Variants in GLYATL3 observed in about 807,000 individuals in gnomAD.
GLYATL3 encodes the protein glycine N-acyltransferase-like protein 3.
In GLYATL3, 31 loss-of-function variants were observed where a neutral mutation model predicts 28.5. The observed-to-expected ratio is 1.09, with a 90% confidence interval of 0.82 to 1.47. The LOEUF (loss-of-function observed/expected upper bound fraction) is 1.47, where lower values mean the gene tolerates loss of function less well. Ranked by LOEUF, GLYATL3 falls within the 40% of genes most tolerant of loss-of-function variation. The pLI is 0.00. For synonymous variants in GLYATL3, 141 were observed against 140.2 expected (o/e 1.01, Z -0.04); for missense variants, 369 against 351.5 (o/e 1.05, Z -0.40).
chr6:49,519,407 G>A (rs1769276529), intron 4 of GLYATL3, among the ~76,000 whole-genome samples: 1 of 152,146 alleles, frequency 6.6e-6, no homozygotes, highest in Non-Finnish European at 1.5e-5. Flanking sequence ...AGTCAGCCTG[G>A]ACATTACCTT....
At chr6:49,520,789 G>A (rs558889938) in intron 4 of GLYATL3, among the ~76,000 whole-genome samples, 9 of 152,206 alleles carry the variant, frequency 5.9e-5, no homozygotes, top group Non-Finnish European at 8.8e-5. Context: ...ACCAAGGCAG[G>A]AGGATCACTT....
At position 49,511,973 on chromosome 6, in the gene GLYATL3, G is replaced by T. The variant is rs1331836571; in HGVS notation, c.-18G>T. ...CAAGTTTCTAATTAGGTGTGGAGTT[G>T]CAAGAGCTCTGGAAAAGATGTTGGT... On this transcript the variant is annotated 5_prime_UTR_variant, in exon 2 of 6. Transcript: ENST00000371197. 6 of 1,351,404 alleles carry T rather than the reference G, an allele frequency of 4.4e-6. No individual in the cohort carries two copies. Among genetic ancestry groups the T allele is most frequent in the African/African-American group, 2.9e-5 (2 of 69,036 alleles). The allele number at this position is 1,351,404 out of a possible 1,614,324, so 83.7% of individuals were successfully genotyped here. A position where few individuals can be genotyped will look rare whatever the true frequency, so the allele number is the denominator to read the frequency against.
In GLYATL3 at chr6:49,517,491, G is replaced by A. The variant is rs1282492880; in HGVS notation, c.248G>A (p.Arg83Lys). The A allele has an allele frequency of 6.4e-7, 1 of 1,550,546 alleles. No homozygotes were observed. The change falls in exon 4 of 6, where the codon AGG becomes AAG. Residue 83 changes from arginine (R) to lysine (K), a missense_variant. Coordinates refer to ENST00000371197, the MANE Select transcript of GLYATL3 (RefSeq NM_001010904.2). ...TATGCTGTGTTCTACAAGGATGTCA[G>A]GGCTTATCGACAGCTATTGGAAGAA... ...NAYAVFYKDV[R>K]AYRQLLEECD...
At position 49,500,020 on chromosome 6, in the gene GLYATL3, G is replaced by C. The variant is rs1426967714; in HGVS notation, c.-51G>C. The C allele has an allele frequency of 6.6e-6, 1 of 151,942 alleles. No individual in the cohort carries two copies. Among genetic ancestry groups the C allele is most frequent in the Non-Finnish European group, 1.5e-5 (1 of 67,996 alleles). The allele number at this position is 151,942 out of a possible 1,614,324, so 9.4% of individuals were successfully genotyped here. A position where few individuals can be genotyped will look rare whatever the true frequency, so the allele number is the denominator to read the frequency against. ...ACTGATACACAGCTGAAAACCCTCA[G>C]TTCTGGACTGAACTCCCAGCAGGTA... On this transcript the variant is annotated 5_prime_UTR_variant, in exon 1 of 6. Coordinates refer to ENST00000371197, the MANE Select transcript of GLYATL3 (RefSeq NM_001010904.2).
In GLYATL3 at chr6:49,527,353, C is replaced by T. The variant is rs1769440615; in HGVS notation, c.*439C>T. Among the ~76,000 whole-genome samples, 1 of 152,196 alleles carries T rather than the reference C, an allele frequency of 6.6e-6. No individual in the cohort carries two copies. The highest frequency in any genetic ancestry group is 2.4e-5 in the African/African-American group (1 of 41,442). On this transcript the variant is annotated 3_prime_UTR_variant, in exon 6 of 6. Coordinates refer to ENST00000371197, the MANE Select transcript of GLYATL3 (RefSeq NM_001010904.2). ...TATTCCCCTGTCCCCACTGCTATGT[C>T]TCATCAACCTCTGTTCCTAACACCT...
intron 5 of GLYATL3, 95 bp from the exon 6 acceptor site, chr6:49,526,393 A>G (rs887288603): frequency 9.4e-6 from 10 of 1,067,526 alleles, no homozygotes; most frequent in Non-Finnish European, 1.2e-5. Context: ...AGCCTGGGCG[A>G]CAGAGCAAGA....
chr6:49,526,632 T>C lies in GLYATL3; in HGVS notation c.585T>C (p.Asp195=). The C allele has an allele frequency of 3.2e-6, 5 of 1,551,956 alleles. No individual in the cohort carries two copies. Among genetic ancestry groups the C allele is most frequent in the Non-Finnish European group, 4.4e-6 (5 of 1,147,048 alleles). The change falls in exon 6 of 6, where the codon GAT becomes GAC. Residue 195 remains aspartate (D), a synonymous_variant. Transcript: ENST00000371197. ...ISCFPSVCVR[D]EKGNPVSWSI... ...GCTTCCCTAGTGTGTGTGTCCGGGA[T>C]GAGAAGGGAAACCCGGTCTCCTGGT...
chr6:49,507,444 A>G (rs1414168623), intron 1 of GLYATL3, among the ~76,000 whole-genome samples: 1 of 152,192 alleles, frequency 6.6e-6, no homozygotes, highest in African/African-American at 2.4e-5. Context: ...TAGTGGAATC[A>G]GCCTTGATTC....
At chr6:49,526,025 G>T (rs953821194) in intron 5 of GLYATL3, among the ~76,000 whole-genome samples, 1 of 152,148 alleles carries the variant, frequency 6.6e-6, no homozygotes, top group Non-Finnish European at 1.5e-5. Context: ...AATGAAACCC[G>T]GAAAGGTGTT....
intron 5 of GLYATL3, among the ~76,000 whole-genome samples, chr6:49,524,655 T>G (rs1487195052): frequency 6.6e-6 from 1 of 152,162 alleles, no homozygotes; most frequent in Non-Finnish European, 1.5e-5. Flanking sequence ...TGGTACTATT[T>G]AACCTAGAAA....
intron 2 of GLYATL3, among the ~76,000 whole-genome samples, chr6:49,513,707 T>C (rs1195949768): frequency 6.6e-6 from 1 of 152,162 alleles, no homozygotes; most frequent in Non-Finnish European, 1.5e-5. Flanking sequence ...CGAACCCAAT[T>C]TGGAAAGACT....
chr6:49,522,594 T>C (rs1242378619), intron 5 of GLYATL3, among the ~76,000 whole-genome samples: 3 of 152,184 alleles, frequency 2.0e-5, no homozygotes, highest in Non-Finnish European at 4.4e-5. Context: ...CCAGTTAATA[T>C]TAAAAAAAGT....
intron 4 of GLYATL3, among the ~76,000 whole-genome samples, chr6:49,518,949 A>C (rs1017312994): frequency 2.0e-5 from 3 of 152,092 alleles, no homozygotes; most frequent in African/African-American, 4.8e-5. Flanking sequence ...TCAAAAAAAA[A>C]AGAAAAAAAT....
intron 1 of GLYATL3, among the ~76,000 whole-genome samples, chr6:49,501,054 G>C (rs1379970530): frequency 6.6e-6 from 1 of 152,194 alleles, no homozygotes; most frequent in Non-Finnish European, 1.5e-5. Flanking sequence ...TGAGTTGCAT[G>C]AGTATAGTCT....
chr6:49,517,631 A>C, intron 4 of GLYATL3, 75 bp downstream of exon 4: 1 of 1,041,506 alleles, frequency 9.6e-7, no homozygotes, highest in Non-Finnish European at 1.3e-6. Context: ...AGTTATAGAT[A>C]TTTCATATAT....
chr6:49,509,634 A>C (rs757364831), intron 1 of GLYATL3, among the ~76,000 whole-genome samples: 22 of 152,230 alleles, frequency 1.4e-4, no homozygotes, highest in Non-Finnish European at 2.8e-4. Context: ...TCCCTGTTCA[A>C]CCTTAGCTGG....
chr6:49,517,557 G>A lies in GLYATL3; in HGVS notation c.313+1G>A. Reference sequence around the variant, plus strand: ...TGGGACCAAGTTTTTCAAATACAAGGTGAGGTCAAGTGCAAGACTTATATT... The same window carrying A: ...TGGGACCAAGTTTTTCAAATACAAGATGAGGTCAAGTGCAAGACTTATATT... On this transcript the variant is annotated splice_donor_variant, in intron 4 of 5. Transcript: ENST00000371197. LOFTEE classifies it high-confidence loss of function. The A allele has an allele frequency of 6.5e-7, 1 of 1,549,034 alleles. No homozygotes were observed. Among genetic ancestry groups the A allele is most frequent in the Non-Finnish European group, 8.7e-7 (1 of 1,145,352 alleles).
chr6:49,505,854 C>T (rs1034950855), intron 1 of GLYATL3, among the ~76,000 whole-genome samples: 7 of 152,112 alleles, frequency 4.6e-5, no homozygotes, highest in South Asian at 4.2e-4. Context: ...CTATAAGTCC[C>T]GTAGGAGAGT....
In GLYATL3 at chr6:49,517,416, G is replaced by A. The variant is rs1394003525; in HGVS notation, c.187-14G>A. ...AATACGTTTATGTTTTTGTGATTAT[G>A]TCTTCTGTCCTAGGCTGAGACAGAT... On this transcript the variant is annotated splice_polypyrimidine_tract_variant and intron_variant, in intron 3 of 5. Coordinates refer to ENST00000371197, the MANE Select transcript of GLYATL3 (RefSeq NM_001010904.2). 1 of 1,496,920 alleles carries A rather than the reference G, an allele frequency of 6.7e-7. No individual in the cohort carries two copies. The allele number at this position is 1,496,920 out of a possible 1,614,324, so 92.7% of individuals were successfully genotyped here.
Sources: gnomAD v4.1 joint callset for allele counts (sites outside exome capture counted in the v4.1 genomes callset) on GRCh38, gnomAD v4.1.1 for gene constraint, MANE v1.5 for transcripts, NCBI Gene and HGNC (gene_info 2026-07-23, HGNC 2026-07-21) for gene names.